The following ATP2C2 variants were observed in gnomAD, a reference collection of about 807,000 sequenced individuals.
ATP2C2 encodes the protein calcium-transporting ATPase type 2C member 2.
ATP2C2 carries 171 observed loss-of-function variants against 110.8 expected under a neutral mutation model. The observed-to-expected ratio is 1.54, with a 90% CI of 1.36 to 1.75. The LOEUF is 1.75. Among genes scored for constraint, ATP2C2 ranks in the 40% most tolerant of loss-of-function variants. ATP2C2 has a pLI of 0.00. For missense variants in ATP2C2, 1,963 were observed against 1,235.0 expected (o/e 1.59, Z -8.84); for synonymous variants, 804 against 508.4 (o/e 1.58, Z -7.82).
intron 1 of ATP2C2, among the ~76,000 whole-genome samples, chr16:84,384,886 A>C (rs12933492): frequency 0.26 from 40,238 of 152,042 alleles, 5,783 homozygotes; most frequent in South Asian, 0.37. Context: ...CTGGTCTCTA[A>C]TAAAAATACA....
At chr16:84,461,390 G>T (rs1051598094) in intron 24 of ATP2C2, 2 of 467,102 alleles carry the variant, frequency 4.3e-6, no homozygotes, top group Admixed American at 3.7e-5. Flanking sequence ...AGCCTTCCTT[G>T]TAGGAAATGA....
chr16:84,429,571 G>C lies in ATP2C2; in HGVS notation c.986+3770G>C, dbSNP rs531401061. Among the ~76,000 whole-genome samples the C allele has an allele frequency of 1.5e-4, 23 of 152,282 alleles. 1 individual carries two copies. In the South Asian group the frequency reaches 4.8e-3, roughly 32 times the overall value. On this transcript the variant is annotated intron_variant, in intron 11 of 26. Coordinates refer to ENST00000262429, the MANE Select transcript of ATP2C2 (RefSeq NM_014861.4). Reference sequence around the variant, plus strand: ...TTCATGTTCATGTAGTGTTGGGATTGGGGGAGGTTGTGAACAAGACAGTCA... The same window carrying C: ...TTCATGTTCATGTAGTGTTGGGATTCGGGGAGGTTGTGAACAAGACAGTCA...
chr16:84,371,204 G>T (rs1053287207), intron 1 of ATP2C2, among the ~76,000 whole-genome samples: 1 of 152,142 alleles, frequency 6.6e-6, no homozygotes, highest in Non-Finnish European at 1.5e-5. Context: ...CTGGATTTCA[G>T]CATTTCCAGG....
intron 11 of ATP2C2, 157 bp downstream of exon 11, chr16:84,425,958 C>T (rs549223950): frequency 1.2e-4 from 98 of 810,240 alleles, no homozygotes; most frequent in African/African-American, 5.6e-4. Context: ...GCATGTTCTC[C>T]GACAGGTACA....
chr16:84,383,586 G>C (rs914794966), intron 1 of ATP2C2, among the ~76,000 whole-genome samples: 1 of 152,124 alleles, frequency 6.6e-6, no homozygotes, highest in African/African-American at 2.4e-5. Context: ...GTTGTAAGAA[G>C]ATGATAGCAC....
intron 7 of ATP2C2, among the ~76,000 whole-genome samples, chr16:84,417,800 A>G (rs1906972737): frequency 6.6e-6 from 1 of 152,152 alleles, no homozygotes; most frequent in African/African-American, 2.4e-5. Context: ...CACTCTATGG[A>G]TTTTCCTGGT....
intron 1 of ATP2C2, among the ~76,000 whole-genome samples, chr16:84,383,751 A>G (rs72804658): frequency 0.22 from 29,469 of 132,274 alleles, 3,949 homozygotes; most frequent in South Asian, 0.35. Context: ...GTGTGTGTGT[A>G]TGTGTGTGTT....
At chr16:84,448,421 C>T (rs750522892) in intron 16 of ATP2C2, 112 bp from the exon 17 acceptor site, 336 of 1,320,628 alleles carry the variant, frequency 2.5e-4, no homozygotes, top group Middle Eastern at 4.5e-4. Flanking sequence ...TAAATAACTC[C>T]GCTGCAAAGA....
At chr16:84,421,102 G>A (rs1162689874) in intron 7 of ATP2C2, among the ~76,000 whole-genome samples, 3 of 152,182 alleles carry the variant, frequency 2.0e-5, no homozygotes, top group African/African-American at 7.2e-5. Flanking sequence ...CACCATGCCC[G>A]GCCGTCCTTG....
intron 7 of ATP2C2, among the ~76,000 whole-genome samples, chr16:84,421,288 G>C (rs1254521410): frequency 6.6e-6 from 1 of 152,254 alleles, no homozygotes; most frequent in Admixed American, 6.5e-5. Context: ...CCTCCCTGAC[G>C]CTGTGGGGTC....
intron 20 of ATP2C2, among the ~76,000 whole-genome samples, chr16:84,453,800 A>T (rs554659676): frequency 4.6e-4 from 70 of 152,182 alleles, no homozygotes; most frequent in African/African-American, 1.5e-3. Flanking sequence ...TAATTGGATA[A>T]CGTAGAGGGA....
chr16:84,436,920 G>A (rs938250934), intron 11 of ATP2C2, among the ~76,000 whole-genome samples: 2 of 151,152 alleles, frequency 1.3e-5, no homozygotes, highest in Non-Finnish European at 3.0e-5. Context: ...GCGCCACCAC[G>A]CCTGGCTAAT....
intron 6 of ATP2C2, among the ~76,000 whole-genome samples, chr16:84,414,250 A>G (rs1210287256): frequency 6.6e-6 from 1 of 152,144 alleles, no homozygotes; most frequent in Non-Finnish European, 1.5e-5. Flanking sequence ...CGCCAAGAAA[A>G]GTATATTGTC....
chr16:84,439,473 C>T lies in ATP2C2; in HGVS notation c.1158C>T (p.Ala386=). ...LCSDKTGTLT[A]NEMTVTQLVT... ...CTGACAAGACGGGGACTCTGACTGC[C>T]AATGAAATGACAGTGACCCAGCTTG... The change falls in exon 13 of 27, where the codon GCC becomes GCT. Residue 386 remains alanine (A), a synonymous_variant. Coordinates refer to ENST00000262429, the MANE Select transcript of ATP2C2 (RefSeq NM_014861.4). The T allele has an allele frequency of 3.7e-6, 6 of 1,614,078 alleles. No homozygotes were observed. Among genetic ancestry groups the T allele is most frequent in the Non-Finnish European group, 5.1e-6 (6 of 1,180,016 alleles).
intron 2 of ATP2C2, among the ~76,000 whole-genome samples, chr16:84,399,877 A>G (rs917420401): frequency 6.6e-6 from 1 of 152,124 alleles, no homozygotes; most frequent in African/African-American, 2.4e-5. Context: ...TTCTGACTAT[A>G]TTTTTTGTAC....
In ATP2C2 at chr16:84,423,308, G is replaced by A. The variant is rs751316208; in HGVS notation, c.919+45G>A. 66 of 1,563,336 alleles carry A rather than the reference G, an allele frequency of 4.2e-5. 2 individuals carry two copies. In the South Asian group the frequency reaches 7.1e-4, roughly 17 times the overall value. On this transcript the variant is annotated intron_variant, in intron 10 of 26. Coordinates refer to ENST00000262429, the MANE Select transcript of ATP2C2 (RefSeq NM_014861.4). ...TACTGGGTTTGTTCTGCAGATGGAG[G>A]GGAGCCATCATAGGGGGGTTGCCAT...
At chr16:84,412,288 GTA>G (rs755101789) in intron 6 of ATP2C2, among the ~76,000 whole-genome samples, 22 of 63,022 alleles carry the variant, frequency 3.5e-4, no homozygotes, top group South Asian at 6.2e-4. Flanking sequence ...GTGTGTGCAC[GTA>G]TGTGTGTGTG....
intron 1 of ATP2C2, among the ~76,000 whole-genome samples, chr16:84,376,029 C>T (rs1034618592): frequency 2.6e-4 from 39 of 151,764 alleles, no homozygotes; most frequent in African/African-American, 6.8e-4. Context: ...ATCCAGATCC[C>T]CAGGGGTGGC....
At chr16:84,446,242 G>A (rs1597853508) in intron 15 of ATP2C2, 87 bp from the exon 16 acceptor site, 1 of 708,464 alleles carries the variant, frequency 1.4e-6, no homozygotes, top group Middle Eastern at 4.5e-4. Flanking sequence ...GAGGTGGTTT[G>A]AACAATGAAT....
Sources: allele counts gnomAD v4.1 joint callset (sites outside exome capture counted in the v4.1 genomes callset), GRCh38; gene constraint gnomAD v4.1.1; transcripts MANE v1.5; gene names NCBI Gene and HGNC (gene_info 2026-07-23, HGNC 2026-07-21).